CMTR1: variants seen among roughly 807,000 people sequenced by gnomAD.
CMTR1 encodes cap methyltransferase 1.
In CMTR1, 39 loss-of-function variants were observed where a neutral mutation model predicts 107.0. The observed-to-expected ratio is 0.36, with a 90% CI of 0.28 to 0.48. CMTR1 has a LOEUF of 0.48. Ranked by LOEUF, CMTR1 falls within the 20% of genes least tolerant of loss-of-function variation. CMTR1 has a pLI of 0.99. For missense variants in CMTR1, 672 were observed against 1,064.9 expected (o/e 0.63, Z 5.14); for synonymous variants, 366 against 379.5 (o/e 0.96, Z 0.41).
chr6:37,424,199 A>G, the CMTR1 span, among the ~76,000 whole-genome samples: 4 of 151,254 alleles, frequency 2.6e-5, no homozygotes, highest in South Asian at 6.3e-4. Flanking sequence ...GGAAAACCTT[A>G]CTGAGGACTC....
chr6:37,444,274 A>C (rs1771736732), intron 3 of CMTR1, 124 bp downstream of exon 3: 1 of 1,211,206 alleles, frequency 8.3e-7, no homozygotes, highest in African/African-American at 1.5e-5. Context: ...TCAGCTACTG[A>C]AATTTAGCAG....
upstream of CMTR1, among the ~76,000 whole-genome samples, chr6:37,431,820 TGTG>T (rs1049159831): frequency 2.6e-4 from 40 of 152,152 alleles, no homozygotes; most frequent in African/African-American, 8.0e-4. Flanking sequence ...TTTGTTTTGT[TGTG>T]TTCTGTTTTT....
intron 13 of CMTR1, 144 bp downstream of exon 13, chr6:37,463,152 C>T (rs1319867124): frequency 1.2e-6 from 1 of 823,678 alleles, no homozygotes; most frequent in Non-Finnish European, 2.0e-6. Flanking sequence ...TTTCAGGGCT[C>T]CCTGGGACTT....
chr6:37,430,518 A>C (rs1447397540), upstream of CMTR1, among the ~76,000 whole-genome samples: 1 of 151,928 alleles, frequency 6.6e-6, no homozygotes, highest in East Asian at 1.9e-4. Context: ...TCTTTTGTTG[A>C]GTAGAAGCCT....
chr6:37,465,832 G>GT (rs1209226902), intron 13 of CMTR1, among the ~76,000 whole-genome samples: 3 of 9,668 alleles, frequency 3.1e-4, no homozygotes, highest in African/African-American at 2.7e-3. Flanking sequence ...TTGTTTGTTT[G>GT]TTGTTGTTGT....
intron 19 of CMTR1, chr6:37,475,694 A>AG: frequency 1.8e-6 from 1 of 540,632 alleles, no homozygotes. Context: ...GTTGAGCAAG[A>AG]GGGTGACCTT....
chr6:37,451,973 A>G (rs1761182690), intron 6 of CMTR1, 96 bp downstream of exon 6: 1 of 999,418 alleles, frequency 1.0e-6, no homozygotes, highest in Non-Finnish European at 1.5e-6. Context: ...GTGGGAAGCT[A>G]AAGTTAAGAT....
intron 13 of CMTR1, among the ~76,000 whole-genome samples, chr6:37,469,320 G>GT (rs1761576039): frequency 6.6e-6 from 1 of 151,702 alleles, no homozygotes; most frequent in Non-Finnish European, 1.5e-5. Context: ...TTGTTTTTCT[G>GT]TATGTCATGT....
chr6:37,437,669 C>T (rs1433839229), intron 2 of CMTR1, among the ~76,000 whole-genome samples: 1 of 152,138 alleles, frequency 6.6e-6, no homozygotes, highest in Non-Finnish European at 1.5e-5. Flanking sequence ...ATTGAAGTTC[C>T]TGAGTAAGAA....
chr6:37,471,734 A>G (rs1761631559), intron 14 of CMTR1, 113 bp from the exon 15 acceptor site: 1 of 850,452 alleles, frequency 1.2e-6, no homozygotes, highest in Non-Finnish European at 1.9e-6. Context: ...GTCTGTGTGT[A>G]CACTCACATG....
chr6:37,468,386 G>A (rs1247768100), intron 13 of CMTR1, among the ~76,000 whole-genome samples: 1 of 152,072 alleles, frequency 6.6e-6, no homozygotes, highest in African/African-American at 2.4e-5. Context: ...TTTTAAAGAT[G>A]CACATGCATG....
chr6:37,434,733 C>T (rs559092605), intron 1 of CMTR1, among the ~76,000 whole-genome samples: 2 of 152,212 alleles, frequency 1.3e-5, no homozygotes, highest in African/African-American at 4.8e-5. Flanking sequence ...AAGCGGTTCT[C>T]CTGAGTAGCT....
Position 37,462,506 on chromosome 6 carries a change from C to A in CMTR1, c.1326-323C>A, listed in dbSNP as rs554167779. ...TCAGAATTGCCCGGTGGCTTTGTTA[C>A]AAACACATATTTCTGGGCCTTCTCC... On this transcript the variant is annotated intron_variant, in intron 12 of 23. Coordinates refer to ENST00000373451, the MANE Select transcript of CMTR1 (RefSeq NM_015050.3). Among the ~76,000 whole-genome samples, 44 of 152,342 alleles carry A rather than the reference C, an allele frequency of 2.9e-4. 2 individuals are homozygous for A. The South Asian group carries it at 8.5e-3, about 29-fold the overall frequency.
chr6:37,433,629 C>T (rs1265125804), intron 1 of CMTR1, among the ~76,000 whole-genome samples: 2 of 152,228 alleles, frequency 1.3e-5, no homozygotes, highest in Non-Finnish European at 2.9e-5. Context: ...GGCCGGGAGA[C>T]ATGGGAGCTT....
At position 37,478,424 on chromosome 6, in the gene CMTR1, C is replaced by T. The variant is rs1761784707; in HGVS notation, c.2169C>T (p.Ile723=). Residue 723 remains isoleucine, a synonymous_variant, in exon 22 of 24, where the codon ATC becomes ATT. Transcript: ENST00000373451. ...EKIFVRLEMK[I]IKGSSGTPKL... is the part of the protein sequence containing the mutation. ...GGGAAATCAGGTTGGAGATGAAGAT[C>T]ATCAAGGGCTCCAGTGGCACCCCAA... is the stretch of plus-strand genomic sequence containing the variant. 6.2e-7 allele frequency: 1 copy of T among 1,613,988 alleles called. No homozygotes were observed. Among genetic ancestry groups the T allele is most frequent in the Non-Finnish European group, 8.5e-7 (1 of 1,179,894 alleles).
the CMTR1 span, among the ~76,000 whole-genome samples, chr6:37,424,233 G>A: frequency 3.0e-4 from 40 of 133,630 alleles, no homozygotes; most frequent in Non-Finnish European, 6.2e-5. Context: ...ATCTGCCTAA[G>A]TACCTTTTTC....
At chr6:37,462,357 G>A (rs920641690) in intron 12 of CMTR1, among the ~76,000 whole-genome samples, 1 of 152,152 alleles carries the variant, frequency 6.6e-6, no homozygotes, top group Non-Finnish European at 1.5e-5. Flanking sequence ...AGGAGAAAGT[G>A]ACCAATAGTA....
the CMTR1 span, among the ~76,000 whole-genome samples, chr6:37,425,953 ACT>A: frequency 6.6e-6 from 1 of 151,362 alleles, no homozygotes; most frequent in African/African-American, 2.4e-5. Flanking sequence ...GGCCCCTTAG[ACT>A]CTGTTTGTTT....
chr6:37,458,055 TTTTTTGTTG>T lies in CMTR1; in HGVS notation c.778-547_778-539del, dbSNP rs1761332845. ...AAATGTAGTCAGATACCCATAAATGTTTTTTGTTGTTTTTGTTGAGACAGGGTCTCGGTC... is the reference window on the plus strand; with the variant it reads ...AAATGTAGTCAGATACCCATAAATGTTTTTTGTTGAGACAGGGTCTCGGTC... On this transcript the variant is annotated intron_variant, in intron 8 of 23. Coordinates refer to ENST00000373451, the MANE Select transcript of CMTR1 (RefSeq NM_015050.3). The surrounding 1 kb of genome is among the most constrained non-coding windows in gnomAD (Gnocchi z 4.7). Among the ~76,000 whole-genome samples, 2 of 151,968 alleles carry T rather than the reference TTTTTTGTTG, an allele frequency of 1.3e-5. No individual in the cohort carries two copies. The highest frequency in any genetic ancestry group is 2.9e-5 in the Non-Finnish European group (2 of 67,994).
Sources: gnomAD v4.1 joint callset for allele counts (sites outside exome capture counted in the v4.1 genomes callset) on GRCh38, gnomAD v4.1.1 for gene constraint, Gnocchi (gnomAD v3.1) non-coding constraint, MANE v1.5 for transcripts, NCBI Gene and HGNC (gene_info 2026-07-23, HGNC 2026-07-21) for gene names.